The following CADPS2 variants were observed in gnomAD, a reference collection of about 807,000 sequenced individuals.
The protein encoded by CADPS2 is calcium-dependent secretion activator 2.
In CADPS2, 93 loss-of-function variants were observed where a neutral mutation model predicts 172.5. The ratio of observed to expected loss-of-function variants is 0.54; its 90% CI spans 0.46 to 0.64. The LOEUF (loss-of-function observed/expected upper bound fraction) is 0.64. Ranked by LOEUF, CADPS2 falls within the 30% of genes least tolerant of loss-of-function variation. The pLI, the probability that CADPS2 is intolerant of heterozygous loss-of-function variation, is 0.00. For synonymous variants in CADPS2, 546 were observed against 555.2 expected (o/e 0.98, Z 0.23); for missense variants, 1,420 against 1,565.9 (o/e 0.91, Z 1.57).
chr7:122,639,740 A>T (rs2077409072), intron 3 of CADPS2, among the ~76,000 whole-genome samples: 1 of 152,186 alleles, frequency 6.6e-6, no homozygotes, highest in Non-Finnish European at 1.5e-5. Context: ...ATACTAAGCC[A>T]AATATGATTT....
chr7:122,580,803 T>G (rs568136507), intron 7 of CADPS2, among the ~76,000 whole-genome samples: 35 of 152,208 alleles, frequency 2.3e-4, no homozygotes, highest in Non-Finnish European at 4.4e-4. Flanking sequence ...GAGCAGATGA[T>G]TTCAAATATA....
intron 1 of CADPS2, among the ~76,000 whole-genome samples, chr7:122,856,296 C>T (rs765868700): frequency 7.9e-5 from 12 of 152,192 alleles, no homozygotes; most frequent in Non-Finnish European, 1.8e-4. Flanking sequence ...TCATGTGCTT[C>T]ACATCTTGGT....
Position 122,554,580 on chromosome 7 carries a change from A to T in CADPS2, c.1445T>A (p.Met482Lys). The change falls in exon 8 of 30, where the codon ATG (methionine) becomes AAG (lysine). Residue 482 changes from methionine to lysine, a missense_variant. Transcript: ENST00000449022. ...ATGCTTCATATGTGCTGGTTTATCC[A>T]TTCGCACTGCCAGTTTGATTTTTAA... ...SDLKIKLAVRMDKPAHMKHSG... is the reference protein window; with the variant it reads ...SDLKIKLAVRKDKPAHMKHSG... The T allele has an allele frequency of 6.2e-7, 1 of 1,611,236 alleles. No individual in the cohort carries two copies. Among genetic ancestry groups the T allele is most frequent in the African/African-American group, 1.3e-5 (1 of 74,874 alleles).
chr7:122,697,860 C>T (rs761206928), intron 2 of CADPS2: 1 of 1,612,760 alleles, frequency 6.2e-7, no homozygotes, highest in East Asian at 2.2e-5. Flanking sequence ...TAGGGTTCTC[C>T]TCCACATGGA....
chr7:122,398,271 T>C (rs562558998), intron 20 of CADPS2, among the ~76,000 whole-genome samples: 31 of 152,200 alleles, frequency 2.0e-4, no homozygotes, highest in Non-Finnish European at 3.7e-4. Flanking sequence ...CAATAATCAC[T>C]GGGTAAAATA....
At chr7:122,498,386 T>C (rs1411525529) in intron 9 of CADPS2, among the ~76,000 whole-genome samples, 2 of 152,226 alleles carry the variant, frequency 1.3e-5, no homozygotes, top group African/African-American at 4.8e-5. Context: ...TTCATGACTA[T>C]ATCAATTTAA....
chr7:122,574,764 AAC>A (rs2067764913), intron 7 of CADPS2, among the ~76,000 whole-genome samples: 1 of 152,204 alleles, frequency 6.6e-6, no homozygotes, highest in African/African-American at 2.4e-5. Flanking sequence ...ATGAAAAAAT[AAC>A]AGACACAGAC....
chr7:122,838,683 T>C (rs1182240367), intron 1 of CADPS2, among the ~76,000 whole-genome samples: 5 of 152,100 alleles, frequency 3.3e-5, no homozygotes, highest in African/African-American at 2.4e-5. Context: ...TCACAATTGC[T>C]TCAAAGAGAA....
intron 14 of CADPS2, among the ~76,000 whole-genome samples, chr7:122,452,177 T>C (rs948557374): frequency 6.6e-6 from 1 of 152,166 alleles, no homozygotes; most frequent in Non-Finnish European, 1.5e-5. Context: ...ATATATCAAA[T>C]AACAGAAATT....
chr7:122,790,028 G>GT (rs747647291), intron 1 of CADPS2, among the ~76,000 whole-genome samples: 2,444 of 126,598 alleles, frequency 0.019, 38 homozygotes, highest in African/African-American at 0.034. Context: ...AATATTAAGT[G>GT]TTTTTTTTTT....
chr7:122,579,259 T>C (rs2132785022), intron 7 of CADPS2, among the ~76,000 whole-genome samples: 1 of 151,942 alleles, frequency 6.6e-6, no homozygotes, highest in African/African-American at 2.4e-5. Context: ...CATTTTTTAT[T>C]TGACTAGAGG....
intron 1 of CADPS2, among the ~76,000 whole-genome samples, chr7:122,794,317 T>C (rs1795908168): frequency 6.6e-6 from 1 of 152,118 alleles, no homozygotes; most frequent in African/African-American, 2.4e-5. Flanking sequence ...TTTTTTTCTG[T>C]ACTCTTGTCT....
chr7:122,373,321 C>T (rs1166368073), intron 25 of CADPS2, among the ~76,000 whole-genome samples: 1 of 152,090 alleles, frequency 6.6e-6, no homozygotes, highest in Admixed American at 6.5e-5. Context: ...CACATTCCTT[C>T]CCCTCTTCCC....
chr7:122,744,195 AT>A (rs1281941325), intron 1 of CADPS2, among the ~76,000 whole-genome samples: 1 of 152,164 alleles, frequency 6.6e-6, no homozygotes, highest in Middle Eastern at 3.2e-3. Flanking sequence ...GCTGAATGGA[AT>A]TTGATGTGCT....
intron 2 of CADPS2, among the ~76,000 whole-genome samples, chr7:122,688,854 C>T (rs973663579): frequency 1.3e-5 from 2 of 152,112 alleles, no homozygotes; most frequent in African/African-American, 4.8e-5. Context: ...TACACTCCAC[C>T]CCCTCGGCCA....
chr7:122,752,183 T>C lies in CADPS2; in HGVS notation c.340-15115A>G, dbSNP rs534877249. Among the ~76,000 whole-genome samples the C allele has an allele frequency of 4.6e-5, 7 of 152,330 alleles. 1 individual carries two copies. The highest frequency in any genetic ancestry group is 4.6e-4 in the Admixed American group (7 of 15,286). ...AAGTAGATCTGAATTTTTTTCATAC[T>C]GCAACACATTACCTAACATTAGTTT... On this transcript the variant is annotated intron_variant, in intron 1 of 29. Coordinates refer to ENST00000449022, the MANE Select transcript of CADPS2 (RefSeq NM_017954.11).
At chr7:122,376,632 T>C (rs1333293427) in intron 25 of CADPS2, among the ~76,000 whole-genome samples, 2 of 152,084 alleles carry the variant, frequency 1.3e-5, no homozygotes. Flanking sequence ...GATGAATAAG[T>C]CCTGGAGAGC....
intron 8 of CADPS2, among the ~76,000 whole-genome samples, chr7:122,516,531 C>T (rs2060388656): frequency 6.6e-6 from 1 of 151,954 alleles, no homozygotes; most frequent in Non-Finnish European, 1.5e-5. Flanking sequence ...GAGCAAGATC[C>T]TGTCTCTTAG....
At chr7:122,762,810 C>T (rs1478691610) in intron 1 of CADPS2, among the ~76,000 whole-genome samples, 4 of 152,054 alleles carry the variant, frequency 2.6e-5, no homozygotes, top group Non-Finnish European at 4.4e-5. Context: ...GGCACATTTG[C>T]TAAGTGTCAT....
Sources: allele counts gnomAD v4.1 joint callset (sites outside exome capture counted in the v4.1 genomes callset), GRCh38; gene constraint gnomAD v4.1.1; transcripts MANE v1.5; gene names NCBI Gene and HGNC (gene_info 2026-07-23, HGNC 2026-07-21).